The following AP2A1 variants were observed in gnomAD, a reference collection of about 807,000 sequenced individuals.
AP2A1 encodes AP-2 complex subunit alpha-1.
In AP2A1, 21 loss-of-function variants were observed where a neutral mutation model predicts 107.3. The ratio of observed to expected loss-of-function variants is 0.20; its 90% CI spans 0.14 to 0.28. AP2A1 has a LOEUF of 0.28. AP2A1 is among the 10% of genes least tolerant of loss of function. The pLI is 1.00. For missense variants in AP2A1, 873 were observed against 1,307.7 expected (o/e 0.67, Z 5.13); for synonymous variants, 602 against 564.8 (o/e 1.07, Z -0.93).
chr19:49,793,701 G>A (rs917134541), intron 6 of AP2A1, among the ~76,000 whole-genome samples: 2 of 152,112 alleles, frequency 1.3e-5, no homozygotes, highest in Non-Finnish European at 2.9e-5. Context: ...GGGGTGACTC[G>A]TGCTATAATG....
rs1230917545 is a variant in AP2A1, at chr19:49,767,015, C to T, written c.-119C>T. On this transcript the variant is annotated 5_prime_UTR_variant, in exon 1 of 23. Transcript: ENST00000354293. The stretch of plus-strand genomic sequence containing the variant: ...CCCGCCCGCCCGCCAGCCAGCCCTC[C>T]CCGCGGCCGGCTCGGCTCCTTGGCG... 9.1e-7 allele frequency: 1 copy of T among 1,100,592 alleles called. No individual in the cohort carries two copies. The highest frequency in any genetic ancestry group is 1.2e-6 in the Non-Finnish European group (1 of 836,952). 68.2% of individuals were successfully genotyped at this position (1,100,592 alleles called of 1,614,324 possible).
chr19:49,771,277 G>A (rs79059207), intron 1 of AP2A1, among the ~76,000 whole-genome samples: 5,491 of 144,444 alleles, frequency 0.038, 133 homozygotes, highest in South Asian at 0.12. Context: ...AATCCAGCCC[G>A]GGCCACATAG....
chr19:49,801,350 A>G (rs2067217708), intron 12 of AP2A1, 40 bp from the exon 13 acceptor site: 3 of 1,570,840 alleles, frequency 1.9e-6, no homozygotes, highest in African/African-American at 2.7e-5. Context: ...GGGAGAGGGC[A>G]GTGGAACCTG....
At chr19:49,797,022 C>T (rs922899612) in intron 7 of AP2A1, 18 of 152,260 alleles carry the variant, frequency 1.2e-4, no homozygotes, top group African/African-American at 4.3e-4. Context: ...TGTCTTCCTT[C>T]TCTGGGCCTC....
chr19:49,788,176 A>G lies in AP2A1; in HGVS notation c.474-3759A>G, dbSNP rs1326215755. Among the ~76,000 whole-genome samples the G allele has an allele frequency of 6.6e-6, 1 of 151,922 alleles. No individual in the cohort carries two copies. The highest frequency in any genetic ancestry group is 1.5e-5 in the Non-Finnish European group (1 of 67,962). On this transcript the variant is annotated intron_variant, in intron 4 of 22. Coordinates refer to ENST00000354293, the MANE Select transcript of AP2A1 (RefSeq NM_130787.3). This position sits in a 1 kb window ranked among gnomAD's most constrained non-coding sequence, Gnocchi z 4.5. ...TACCCAGGCTAGTCTTGAACTCCTG[A>G]GCTCAAGTGATCCTCCGTGGCCTCA... is the stretch of plus-strand genomic sequence containing the variant.
intron 22 of AP2A1, 193 bp from the exon 23 acceptor site, chr19:49,806,488 C>T (rs1016412064): frequency 1.4e-4 from 201 of 1,444,914 alleles, no homozygotes; most frequent in Non-Finnish European, 1.7e-4. Flanking sequence ...CATATCCTTT[C>T]CACCTTTCTC....
chr19:49,772,113 A>G (rs892442969), intron 1 of AP2A1, among the ~76,000 whole-genome samples: 1 of 151,912 alleles, frequency 6.6e-6, no homozygotes, highest in African/African-American at 2.4e-5. Context: ...GCTGGAGTAC[A>G]GTGGTGCGAT....
intron 5 of AP2A1, among the ~76,000 whole-genome samples, chr19:49,792,608 T>C (rs1306639727): frequency 6.6e-6 from 1 of 150,866 alleles, no homozygotes. Flanking sequence ...AACCACCCAG[T>C]CCCTTAGAAA....
intron 15 of AP2A1, chr19:49,802,508 G>A (rs1215040782): frequency 3.6e-5 from 58 of 1,603,562 alleles, no homozygotes; most frequent in Non-Finnish European, 4.6e-5. Flanking sequence ...GTCTTCTCTT[G>A]TCTGCTCTGG....
At chr19:49,768,920 C>T (rs780299004) in intron 1 of AP2A1, among the ~76,000 whole-genome samples, 8 of 152,022 alleles carry the variant, frequency 5.3e-5, no homozygotes, top group Non-Finnish European at 1.2e-4. Flanking sequence ...TTGTCCAGGC[C>T]CTGTTCTAGG....
At chr19:49,799,197 G>GCGAT in intron 8 of AP2A1, 130 bp from the exon 9 acceptor site, 1 of 1,226,910 alleles carries the variant, frequency 8.2e-7, no homozygotes, top group Non-Finnish European at 1.1e-6. Context: ...GTGCAGTACT[G>GCGAT]CGATGCAAGG....
chr19:49,801,840 C>G lies in AP2A1; in HGVS notation c.1904C>G (p.Pro635Arg). 1 of 1,514,204 alleles carries G rather than the reference C, an allele frequency of 6.6e-7. No individual in the cohort carries two copies. The allele number at this position is 1,514,204 out of a possible 1,614,324, so 93.8% of individuals were successfully genotyped here. A position where few individuals can be genotyped will look rare whatever the true frequency, so the allele number is the denominator to read the frequency against. The part of the protein sequence containing the change: ...GSALDDGRRD[P>R]SSNDINGGME... ...GCCCTGGACGATGGCCGGAGGGACCCCAGCAGCAACGACATCAACGGGGGC... is the reference window on the plus strand; with the variant it reads ...GCCCTGGACGATGGCCGGAGGGACCGCAGCAGCAACGACATCAACGGGGGC... Residue 635 changes from proline to arginine, a missense_variant, in exon 14 of 23, where the codon CCC becomes CGC. Pro to Arg is a moderately radical substitution (Grantham distance 103). Coordinates refer to ENST00000354293, the MANE Select transcript of AP2A1 (RefSeq NM_130787.3).
At chr19:49,794,339 C>T (rs989912936) in intron 6 of AP2A1, among the ~76,000 whole-genome samples, 1 of 151,876 alleles carries the variant, frequency 6.6e-6, no homozygotes, top group Non-Finnish European at 1.5e-5. Context: ...CTCAGCCTCC[C>T]GAGTAGCTGG....
At position 49,798,789 on chromosome 19, in the gene AP2A1, T is replaced by C. The variant is rs2073241863; in HGVS notation, c.815-13T>C. The C allele has an allele frequency of 1.9e-6, 3 of 1,601,108 alleles. No individual in the cohort carries two copies. Among genetic ancestry groups the C allele is most frequent in the Non-Finnish European group, 2.6e-6 (3 of 1,174,094 alleles). ...AGGACACTCAGCCGGGGGCGTCCCC[T>C]TCGTTTCCCCAGAGGATGCGGCTGT... On this transcript the variant is annotated splice_polypyrimidine_tract_variant and intron_variant, in intron 7 of 22. Transcript: ENST00000354293.
intron 1 of AP2A1, among the ~76,000 whole-genome samples, chr19:49,775,760 G>T (rs1019138505): frequency 6.6e-6 from 1 of 152,210 alleles, no homozygotes; most frequent in African/African-American, 2.4e-5. Context: ...AGCACATCAG[G>T]TCTCGGTCTC....
Position 49,802,120 on chromosome 19 carries a change from C to A in AP2A1, c.2093C>A (p.Thr698Asn). ...GPAAQPSLGP[T>N]PEEAFLSPGP... ...GCCGCCCAGCCCAGCCTGGGGCCCA[C>A]CCCCGAGGAGGCCTTCCTCAGGTAG... Residue 698 changes from threonine to asparagine, a missense_variant, in exon 15 of 23, where the codon ACC (threonine) becomes AAC (asparagine). By Grantham distance (65) the Thr-to-Asn change is moderately conservative. Coordinates refer to ENST00000354293, the MANE Select transcript of AP2A1 (RefSeq NM_130787.3). 1.3e-6 allele frequency: 2 copies of A among 1,579,024 alleles called. No individual in the cohort carries two copies. Among genetic ancestry groups the A allele is most frequent in the East Asian group, 2.3e-5 (1 of 43,824 alleles).
intron 10 of AP2A1, 29 bp downstream of exon 10, chr19:49,799,795 C>T: frequency 6.2e-7 from 1 of 1,606,382 alleles, no homozygotes; most frequent in Non-Finnish European, 8.5e-7. Flanking sequence ...GGGCTGGACT[C>T]TTGGGTCTGA....
Position 49,793,006 on chromosome 19 carries a change from G to A in AP2A1, c.619G>A (p.Ala207Thr), listed in dbSNP as rs751596886. Residue 207 changes from alanine to threonine, a missense_variant, in exon 6 of 23, where the codon GCC becomes ACC. Ala to Thr is a moderately conservative substitution (Grantham distance 58, BLOSUM62 0). Around this residue, in one of 4 missense-constraint regions of AP2A1, gnomAD observed 157 missense variants for 212.6 expected, o/e 0.74. Transcript: ENST00000354293. ...GCCCCTGCAGGGTGTGGTCACGGCC[G>A]CCGTCAGCCTCATCACCTGTCTCTG... ...NDQHMGVVTA[A>T]VSLITCLCKK... 6 of 1,605,194 alleles carry A rather than the reference G, an allele frequency of 3.7e-6. No individual in the cohort carries two copies. Among genetic ancestry groups the A allele is most frequent in the Admixed American group, 3.4e-5 (2 of 58,718 alleles).
At chr19:49,772,246 G>GTTTTTTTTTTTGTTTTTTTTT (rs2084567121) in intron 1 of AP2A1, among the ~76,000 whole-genome samples, 1 of 56,154 alleles carries the variant, frequency 1.8e-5, no homozygotes, top group African/African-American at 6.9e-5. Context: ...TTTTCATAGA[G>GTTTTTTTTTTTGTTTTTTTTT]TTTTTTTTTT....
Sources: gnomAD v4.1 joint callset for allele counts (sites outside exome capture counted in the v4.1 genomes callset) on GRCh38, gnomAD v4.1.1 for gene constraint, gnomAD v4.1.1 regional missense constraint, Gnocchi (gnomAD v3.1) non-coding constraint, MANE v1.5 for transcripts, NCBI Gene and HGNC (gene_info 2026-07-23, HGNC 2026-07-21) for gene names.